The following KRT8 variants were observed in gnomAD, a reference collection of about 807,000 sequenced individuals.
The protein encoded by KRT8 is keratin, type II cytoskeletal 8.
KRT8 carries 24 observed loss-of-function variants against 43.0 expected under a neutral mutation model. The observed-to-expected ratio is 0.56, with a 90% CI of 0.40 to 0.78. The LOEUF (loss-of-function observed/expected upper bound fraction) is 0.78. Among genes scored for constraint, KRT8 ranks in the 30% least tolerant of loss-of-function variants. The probability of loss-of-function intolerance (pLI) is 0.00; values close to 1 mark genes in which losing one functional copy is unlikely to be tolerated. For missense variants in KRT8, 492 were observed against 638.4 expected, an observed-to-expected ratio of 0.77 and a Z score of 2.47; for synonymous variants, 214 against 261.2, an observed-to-expected ratio of 0.82 and a Z score of 1.74.
At chr12:52,915,185 AAC>A (rs1941711084) in intron 2 of KRT8, among the ~76,000 whole-genome samples, 1 of 152,046 alleles carries the variant, frequency 6.6e-6, no homozygotes, top group South Asian at 2.1e-4. Flanking sequence ...CATCCTGGCT[AAC>A]ACAGTGAAAC....
intron 4 of KRT8, among the ~76,000 whole-genome samples, 183 bp downstream of exon 4, chr12:52,900,405 G>A (rs1249822441): frequency 2.0e-5 from 3 of 152,158 alleles, no homozygotes; most frequent in Non-Finnish European, 2.9e-5. Flanking sequence ...TCCCTCATGC[G>A]AGGGACAGAA....
chr12:52,932,165 C>T (rs1440633552), intron 2 of KRT8, among the ~76,000 whole-genome samples: 1 of 149,572 alleles, frequency 6.7e-6, no homozygotes, highest in Non-Finnish European at 1.5e-5. Flanking sequence ...ACGATCTCAG[C>T]TCACTGCAAC....
intron 2 of KRT8, among the ~76,000 whole-genome samples, chr12:52,943,966 G>A (rs1942305624): frequency 6.6e-6 from 1 of 152,162 alleles, no homozygotes; most frequent in Non-Finnish European, 1.5e-5. Context: ...CTGAGCCCAT[G>A]TTAGATGGAA....
chr12:52,904,438 C>A (rs1941460436), intron 1 of KRT8, among the ~76,000 whole-genome samples: 2 of 152,198 alleles, frequency 1.3e-5, no homozygotes, highest in Non-Finnish European at 2.9e-5. Context: ...AAGAAGGAAG[C>A]CCCAGGATTC....
intron 2 of KRT8, among the ~76,000 whole-genome samples, chr12:52,926,771 G>C (rs556096168): frequency 6.6e-6 from 1 of 152,274 alleles, no homozygotes; most frequent in South Asian, 2.1e-4. Flanking sequence ...AAGGCTCTAA[G>C]AAGTAATGTG....
At chr12:52,916,821 G>A (rs1941750154) in intron 2 of KRT8, among the ~76,000 whole-genome samples, 1 of 152,314 alleles carries the variant, frequency 6.6e-6, no homozygotes, top group Non-Finnish European at 1.5e-5. Flanking sequence ...TATGGCTTTT[G>A]TCTGACTCTT....
chr12:52,924,225 G>C (rs1235673507), intron 2 of KRT8, among the ~76,000 whole-genome samples: 2 of 152,094 alleles, frequency 1.3e-5, no homozygotes, highest in Non-Finnish European at 2.9e-5. Context: ...GAGGCAGACA[G>C]ATCACAAGGT....
intron 2 of KRT8, among the ~76,000 whole-genome samples, chr12:52,919,702 A>G (rs1291364365): frequency 6.6e-6 from 1 of 151,870 alleles, no homozygotes; most frequent in Non-Finnish European, 1.5e-5. Flanking sequence ...GCTGGAGTGC[A>G]GTGGCACGAT....
chr12:52,917,738 G>C (rs1039207759), intron 2 of KRT8, among the ~76,000 whole-genome samples: 1 of 147,216 alleles, frequency 6.8e-6, no homozygotes, highest in African/African-American at 2.5e-5. Flanking sequence ...AATTCGCCAG[G>C]CGTTGTGGCA....
intron 2 of KRT8, among the ~76,000 whole-genome samples, chr12:52,918,180 GGAAGAAGAAGAA>G (rs869098018): frequency 1.4e-5 from 1 of 73,718 alleles, no homozygotes; most frequent in Non-Finnish European, 2.5e-5. Context: ...AAGAGGAAGA[GGAAGAAGAAGAA>G]GAAGAAGAAG....
chr12:52,931,191 C>T (rs1226210841), intron 2 of KRT8, among the ~76,000 whole-genome samples: 1 of 152,026 alleles, frequency 6.6e-6, no homozygotes, highest in African/African-American at 2.4e-5. Context: ...CCTCAGTCTC[C>T]CGAGTAGCTG....
upstream of KRT8, chr12:52,906,955 C>T: frequency 5.6e-6 from 2 of 358,158 alleles, no homozygotes; most frequent in Admixed American, 3.7e-5. Context: ...AAAAGACAGA[C>T]ACACAGACAA....
intron 2 of KRT8, among the ~76,000 whole-genome samples, chr12:52,916,065 C>T (rs1394183169): frequency 1.3e-5 from 2 of 152,018 alleles, no homozygotes; most frequent in Non-Finnish European, 2.9e-5. Flanking sequence ...TGGACAGGAG[C>T]GGGATTCCTA....
intron 2 of KRT8, among the ~76,000 whole-genome samples, chr12:52,920,948 G>A (rs149955069): frequency 2.0e-5 from 3 of 152,290 alleles, no homozygotes; most frequent in Non-Finnish European, 4.4e-5. Flanking sequence ...CTCAGCTAAA[G>A]AAAAGACCTG....
chr12:52,923,254 G>A (rs1941923300), intron 2 of KRT8, among the ~76,000 whole-genome samples: 1 of 152,206 alleles, frequency 6.6e-6, no homozygotes, highest in Non-Finnish European at 1.5e-5. Flanking sequence ...AGAATGTGCA[G>A]TAGCAGGAAA....
At chr12:52,938,660 G>A (rs532333461) in intron 2 of KRT8, among the ~76,000 whole-genome samples, 9 of 150,118 alleles carry the variant, frequency 6.0e-5, no homozygotes, top group South Asian at 2.1e-4. Flanking sequence ...CTCTGTCGCC[G>A]AGGCTGGAGT....
intron 2 of KRT8, among the ~76,000 whole-genome samples, chr12:52,912,518 A>G (rs943099611): frequency 6.6e-6 from 1 of 152,204 alleles, no homozygotes; most frequent in African/African-American, 2.4e-5. Flanking sequence ...CCACACTTGC[A>G]TGCCCTAGCA....
chr12:52,943,661 C>T (rs1022943201), intron 2 of KRT8, among the ~76,000 whole-genome samples: 1 of 152,190 alleles, frequency 6.6e-6, no homozygotes, highest in Non-Finnish European at 1.5e-5. Context: ...CACACCCTGC[C>T]AGGAAACAAG....
At chr12:52,900,928 A>G in intron 3 of KRT8, 1 of 633,226 alleles carries the variant, frequency 1.6e-6, no homozygotes, top group Non-Finnish European at 2.8e-6. Context: ...CCAGATCTCC[A>G]GTTCTACTGC....
Sources: gnomAD v4.1 joint callset for allele counts (sites outside exome capture counted in the v4.1 genomes callset) on GRCh38, gnomAD v4.1.1 for gene constraint, MANE v1.5 for transcripts, NCBI Gene and HGNC (gene_info 2026-07-23, HGNC 2026-07-21) for gene names.